GRID2: variants seen among roughly 807,000 people sequenced by gnomAD.
The protein encoded by GRID2 is glutamate receptor ionotropic, delta-2.
In GRID2, 33 loss-of-function variants were observed where a neutral mutation model predicts 114.8. The ratio of observed to expected loss-of-function variants is 0.29; its 90% CI spans 0.22 to 0.38. The LOEUF is 0.38. Among genes scored for constraint, GRID2 ranks in the 10% least tolerant of loss-of-function variants. The probability of loss-of-function intolerance (pLI) is 1.00; values close to 1 mark genes in which losing one functional copy is unlikely to be tolerated. For missense variants in GRID2, 1,184 were observed against 1,257.7 expected, an observed-to-expected ratio of 0.94 and a Z score of 0.89; for synonymous variants, 505 against 449.9, an observed-to-expected ratio of 1.12 and a Z score of -1.55.
intron 14 of GRID2, among the ~76,000 whole-genome samples, chr4:93,752,765 C>A (rs929412187): frequency 1.3e-5 from 2 of 152,176 alleles, no homozygotes; most frequent in Non-Finnish European, 2.9e-5. Context: ...CTTATCCACA[C>A]CTCATTATCA....
chr4:93,599,240 A>G (rs1739428904), intron 13 of GRID2, among the ~76,000 whole-genome samples: 1 of 152,194 alleles, frequency 6.6e-6, no homozygotes, highest in Non-Finnish European at 1.5e-5. Flanking sequence ...CATCTATTCC[A>G]CTAGAGAATG....
chr4:92,607,781 G>A (rs1401940696), intron 2 of GRID2, among the ~76,000 whole-genome samples: 2 of 151,882 alleles, frequency 1.3e-5, no homozygotes, highest in Non-Finnish European at 2.9e-5. Context: ...TTCAGCACAA[G>A]ACACTGAGGT....
intron 8 of GRID2, among the ~76,000 whole-genome samples, chr4:93,292,661 A>C (rs1345878808): frequency 2.6e-5 from 4 of 152,202 alleles, no homozygotes; most frequent in Non-Finnish European, 5.9e-5. Context: ...GGTTTTAAAG[A>C]CTTAAGTTAT....
intron 1 of GRID2, among the ~76,000 whole-genome samples, chr4:93,789,287 G>C (rs1387717600): frequency 6.6e-6 from 1 of 152,174 alleles, no homozygotes; most frequent in African/African-American, 2.4e-5. Context: ...AAAAGGAATA[G>C]AAATAAGTAG....
intron 14 of GRID2, among the ~76,000 whole-genome samples, chr4:93,694,307 C>T (rs926038747): frequency 6.6e-6 from 1 of 152,124 alleles, no homozygotes; most frequent in Non-Finnish European, 1.5e-5. Context: ...CTGTGTCTTC[C>T]GCAAAGCCCC....
At chr4:93,691,909 C>A (rs181659833) in intron 14 of GRID2, among the ~76,000 whole-genome samples, 7 of 151,678 alleles carry the variant, frequency 4.6e-5, no homozygotes, top group Admixed American at 4.6e-4. Flanking sequence ...TTTTAAGTAA[C>A]ATGTAAACAG....
intron 2 of GRID2, among the ~76,000 whole-genome samples, chr4:92,980,110 G>T (rs185077834): frequency 2.0e-4 from 31 of 152,102 alleles, no homozygotes; most frequent in African/African-American, 7.0e-4. Flanking sequence ...TGATTTTGCA[G>T]CAGCATATTA....
chr4:92,865,570 T>A (rs1428245044), intron 2 of GRID2, among the ~76,000 whole-genome samples: 4 of 152,204 alleles, frequency 2.6e-5, no homozygotes, highest in Non-Finnish European at 4.4e-5. Context: ...ATCTGATCCT[T>A]GCTATCATAT....
intron 4 of GRID2, among the ~76,000 whole-genome samples, chr4:93,122,136 A>C (rs1733834087): frequency 6.6e-6 from 1 of 152,078 alleles, no homozygotes; most frequent in Non-Finnish European, 1.5e-5. Context: ...TGTAGTTAGT[A>C]CTTTTTGTCT....
In GRID2 at chr4:93,276,724, C is replaced by T. The variant is rs1168933903; in HGVS notation, c.1245+38234C>T. Reference sequence around the variant, plus strand: ...AAATTTATTTTTGATTGTTCATTGCCAGTATGTAGAAATATAACTGATTTT... The same window carrying T: ...AAATTTATTTTTGATTGTTCATTGCTAGTATGTAGAAATATAACTGATTTT... On this transcript the variant is annotated intron_variant, in intron 8 of 15. Coordinates refer to ENST00000282020, the MANE Select transcript of GRID2 (RefSeq NM_001510.4). Among the ~76,000 whole-genome samples the T allele has an allele frequency of 2.0e-5, 3 of 151,692 alleles. No homozygotes were observed. The East Asian group carries it at 5.8e-4, about 29-fold the overall frequency.
chr4:93,716,890 A>C (rs535845770), intron 14 of GRID2, among the ~76,000 whole-genome samples: 20 of 152,230 alleles, frequency 1.3e-4, no homozygotes, highest in African/African-American at 4.8e-4. Flanking sequence ...GATCAATGCA[A>C]ATTTTTTTCT....
intron 14 of GRID2, among the ~76,000 whole-genome samples, chr4:93,700,477 C>A (rs1036006444): frequency 2.0e-5 from 3 of 152,108 alleles, no homozygotes; most frequent in African/African-American, 7.2e-5. Context: ...GTGAATGATG[C>A]AGCTAGAGTT....
At chr4:92,663,070 C>T (rs1179181789) in intron 2 of GRID2, among the ~76,000 whole-genome samples, 1 of 150,954 alleles carries the variant, frequency 6.6e-6, no homozygotes, top group Non-Finnish European at 1.5e-5. Context: ...AATTCATATG[C>T]TAGAGGCTGG....
intron 1 of GRID2, among the ~76,000 whole-genome samples, chr4:92,579,443 G>T (rs962587280): frequency 6.6e-6 from 1 of 151,516 alleles, no homozygotes; most frequent in Non-Finnish European, 1.5e-5. Flanking sequence ...AACACAGTTT[G>T]AAGGCATTCA....
In GRID2 at chr4:93,128,471, A is replaced by G. The variant is rs80236981; in HGVS notation, c.735+17518A>G. ...GTGGCTCACAAGATAGTATTTAATT[A>G]TTGATATGATAAGATCACTCAATAT... On this transcript the variant is annotated intron_variant, in intron 4 of 15. Coordinates refer to ENST00000282020, the MANE Select transcript of GRID2 (RefSeq NM_001510.4). Among the ~76,000 whole-genome samples, 129 of 152,334 alleles carry G rather than the reference A, an allele frequency of 8.5e-4. No individual in the cohort carries two copies. The East Asian group carries it at 0.023, about 27-fold the overall frequency.
At chr4:93,015,860 C>T (rs1482138221) in intron 2 of GRID2, among the ~76,000 whole-genome samples, 2 of 151,896 alleles carry the variant, frequency 1.3e-5, no homozygotes, top group African/African-American at 2.4e-5. Context: ...AGGCAAACCT[C>T]AACCCCCCAA....
chr4:93,232,278 C>G lies in GRID2; in HGVS notation c.1126-6093C>G, dbSNP rs1746239659. 3.3e-5 allele frequency among the ~76,000 whole-genome samples: 5 copies of G among 152,142 alleles called. 1 individual carries two copies. The South Asian group carries it at 1.0e-3, about 32-fold the overall frequency. On this transcript the variant is annotated intron_variant, in intron 7 of 15. Coordinates refer to ENST00000282020, the MANE Select transcript of GRID2 (RefSeq NM_001510.4). ...AATTATGTGATTGCACATAAAATCA[C>G]TGGACATTTTCTATGTATTCTATAT...
chr4:92,694,194 A>C (rs1734319150), intron 2 of GRID2, among the ~76,000 whole-genome samples: 1 of 152,248 alleles, frequency 6.6e-6, no homozygotes, highest in Non-Finnish European at 1.5e-5. Context: ...GGAAAGGAGC[A>C]GGAAGCACCT....
chr4:93,733,664 TTTG>T (rs899495836), intron 14 of GRID2, among the ~76,000 whole-genome samples: 1 of 152,080 alleles, frequency 6.6e-6, no homozygotes, highest in Non-Finnish European at 1.5e-5. Flanking sequence ...TGAGTTTTGT[TTTG>T]TTTTGTTTTC....
Sources: allele counts gnomAD v4.1 joint callset (sites outside exome capture counted in the v4.1 genomes callset), GRCh38; gene constraint gnomAD v4.1.1; transcripts MANE v1.5; gene names NCBI Gene and HGNC (gene_info 2026-07-23, HGNC 2026-07-21).